Variants in TTC27 observed in about 807,000 individuals in gnomAD.
TTC27 encodes the protein tetratricopeptide repeat protein 27.
A neutral mutation model predicts 115.9 loss-of-function variants in TTC27; 79 were observed. The observed-to-expected ratio is 0.68, with a 90% confidence interval of 0.57 to 0.82. The LOEUF (loss-of-function observed/expected upper bound fraction) is 0.82. TTC27 is among the 40% of genes least tolerant of loss of function. TTC27 has a pLI of 0.00. For missense variants in TTC27, 1,054 were observed against 993.1 expected, an observed-to-expected ratio of 1.06 and a Z score of -0.82; for synonymous variants, 401 against 356.0, an observed-to-expected ratio of 1.13 and a Z score of -1.42.
At chr2:32,800,414 C>T (rs987810476) in intron 16 of TTC27, among the ~76,000 whole-genome samples, 3 of 152,086 alleles carry the variant, frequency 2.0e-5, no homozygotes, top group Admixed American at 2.0e-4. Context: ...AACTCCTGAC[C>T]CCATGATCTG....
At chr2:32,757,941 A>T (rs1286563863) in intron 12 of TTC27, among the ~76,000 whole-genome samples, 1 of 152,182 alleles carries the variant, frequency 6.6e-6, no homozygotes, top group African/African-American at 2.4e-5. Flanking sequence ...ACCTCAGGCA[A>T]TCCACCCACC....
At chr2:32,693,292 T>C (rs921471392) in intron 9 of TTC27, among the ~76,000 whole-genome samples, 1 of 152,156 alleles carries the variant, frequency 6.6e-6, no homozygotes, top group Non-Finnish European at 1.5e-5. Context: ...GCAAGACCTA[T>C]TTTAAGACAG....
Position 32,688,891 on chromosome 2 carries a change from TC to T in TTC27, c.1119+9971del, listed in dbSNP as rs200768753. 9.0e-3 allele frequency among the ~76,000 whole-genome samples: 1,376 copies of T among 152,236 alleles called. 9 individuals are homozygous for T. Among genetic ancestry groups the T allele is most frequent in the Admixed American group, 0.014 (215 of 15,294 alleles). On this transcript the variant is annotated intron_variant, in intron 9 of 19. Transcript: ENST00000317907. ...TAGCCATGAGAAATGAAAGTATATG[TC>T]CTCACAAAGAGTTGTACACAAATAC...
chr2:32,760,139 A>T (rs1669385723), intron 13 of TTC27, among the ~76,000 whole-genome samples: 1 of 152,224 alleles, frequency 6.6e-6, no homozygotes. Flanking sequence ...GCATTTTCTT[A>T]TGCTGGATTG....
intron 13 of TTC27, among the ~76,000 whole-genome samples, chr2:32,761,967 G>A (rs1669452039): frequency 6.6e-6 from 1 of 152,116 alleles, no homozygotes; most frequent in Non-Finnish European, 1.5e-5. Flanking sequence ...GTAGCACTGA[G>A]CCAAAGAATG....
intron 5 of TTC27, among the ~76,000 whole-genome samples, chr2:32,661,129 T>C (rs540813726): frequency 2.0e-5 from 3 of 152,342 alleles, no homozygotes; most frequent in South Asian, 2.1e-4. Flanking sequence ...TTGGTCTATA[T>C]ATCTGTTTTG....
intron 13 of TTC27, among the ~76,000 whole-genome samples, chr2:32,775,145 G>C (rs933353671): frequency 7.2e-5 from 11 of 152,192 alleles, no homozygotes; most frequent in African/African-American, 2.2e-4. Context: ...AATCTTCTTA[G>C]ATGGATTTAA....
intron 12 of TTC27, among the ~76,000 whole-genome samples, chr2:32,754,874 G>C (rs1165227445): frequency 6.7e-6 from 1 of 150,186 alleles, no homozygotes; most frequent in Non-Finnish European, 1.5e-5. Flanking sequence ...AGGCGGGGGG[G>C]CTGACCCCCC....
intron 10 of TTC27, 32 bp from the exon 11 acceptor site, chr2:32,733,796 A>T: frequency 7.2e-7 from 1 of 1,390,440 alleles, no homozygotes; most frequent in Non-Finnish European, 1.0e-6. Flanking sequence ...AGTTATACAT[A>T]TAGATTCTGA....
chr2:32,801,781 C>G (rs1312414141), intron 16 of TTC27, among the ~76,000 whole-genome samples: 2 of 152,142 alleles, frequency 1.3e-5, no homozygotes, highest in Non-Finnish European at 2.9e-5. Context: ...CTCAACCACT[C>G]CTATGAAAGT....
At chr2:32,733,718 ACTTAAGTT>A in intron 10 of TTC27, 102 bp from the exon 11 acceptor site, 1 of 581,074 alleles carries the variant, frequency 1.7e-6, no homozygotes, top group East Asian at 3.3e-5. Flanking sequence ...TATCAAAATG[ACTTAAGTT>A]CTTTGTTGTT....
rs529078050 is a variant in TTC27, at chr2:32,791,478, G to A, written c.1998+4329G>A. On this transcript the variant is annotated intron_variant, in intron 16 of 19. Transcript: ENST00000317907. ...GGGCATACAGTATGTGAGGTGGATA[G>A]TAAATACTCCTCATTTTATAGTTGA... Among the ~76,000 whole-genome samples the A allele has an allele frequency of 2.0e-5, 3 of 152,306 alleles. No homozygotes were observed. In the East Asian group the frequency reaches 5.8e-4, roughly 29 times the overall value.
intron 5 of TTC27, among the ~76,000 whole-genome samples, chr2:32,653,988 C>T (rs1232091299): frequency 6.6e-6 from 1 of 152,196 alleles, no homozygotes; most frequent in African/African-American, 2.4e-5. Flanking sequence ...CTAGCCAGTT[C>T]TTAAATCTTA....
chr2:32,740,255 A>G (rs1282654197), intron 12 of TTC27, among the ~76,000 whole-genome samples: 2 of 151,930 alleles, frequency 1.3e-5, no homozygotes, highest in African/African-American at 2.4e-5. Flanking sequence ...AAGGGTTGGG[A>G]CCTCTCTTGT....
chr2:32,726,091 C>A (rs573432065), intron 10 of TTC27, among the ~76,000 whole-genome samples: 27 of 152,100 alleles, frequency 1.8e-4, no homozygotes, highest in African/African-American at 6.3e-4. Flanking sequence ...CCCACAAAAC[C>A]ACTCTTTCCT....
At chr2:32,799,026 A>G (rs929933015) in intron 16 of TTC27, among the ~76,000 whole-genome samples, 1 of 152,246 alleles carries the variant, frequency 6.6e-6, no homozygotes, top group Non-Finnish European at 1.5e-5. Context: ...AAAATGTGGT[A>G]TGTACATACA....
At chr2:32,667,824 TG>T (rs1665844816) in intron 7 of TTC27, among the ~76,000 whole-genome samples, 1 of 149,992 alleles carries the variant, frequency 6.7e-6, no homozygotes, top group Non-Finnish European at 1.5e-5. Context: ...GAGGCTGAAG[TG>T]GGTGGATCAC....
Position 32,723,971 on chromosome 2 carries a change from CT to C in TTC27, c.1234-9840del, listed in dbSNP as rs36120062. On this transcript the variant is annotated intron_variant, in intron 10 of 19. Coordinates refer to ENST00000317907, the MANE Select transcript of TTC27 (RefSeq NM_017735.5). ...TGAGCCACCAGCTGGCATACATAAG[CT>C]TTTTTTTTTTTTTTTTATAGAAAGG... Among the ~76,000 whole-genome samples, 589 of 92,382 alleles carry C rather than the reference CT, an allele frequency of 6.4e-3. 15 individuals carry two copies. Among genetic ancestry groups the C allele is most frequent in the African/African-American group, 7.9e-3 (191 of 24,042 alleles). 60.6% of individuals were successfully genotyped at this position (92,382 alleles called of 152,430 possible).
Position 32,640,387 on chromosome 2 carries a change from A to G in TTC27, c.514A>G (p.Arg172Gly), listed in dbSNP as rs1664596941. The G allele has an allele frequency of 6.2e-7, 1 of 1,613,704 alleles. No individual in the cohort carries two copies. The highest frequency in any genetic ancestry group is 8.5e-7 in the Non-Finnish European group (1 of 1,179,988). ...AGCACGCATTATCCTAGTGAATGTAAGACATAAACTGACAGCTATTCAGGT... is the reference window on the plus strand; with the variant it reads ...AGCACGCATTATCCTAGTGAATGTAGGACATAAACTGACAGCTATTCAGGT... The part of the protein sequence containing the change: ...LLARIILVNV[R>G]HKLTAIQSLP... Residue 172 changes from arginine (R) to glycine (G), a missense_variant, in exon 4 of 20, where the codon AGA becomes GGA. Arg to Gly is a moderately radical substitution (Grantham distance 125, BLOSUM62 -2). Transcript: ENST00000317907.
Sources: gnomAD v4.1 joint callset for allele counts (sites outside exome capture counted in the v4.1 genomes callset) on GRCh38, gnomAD v4.1.1 for gene constraint, MANE v1.5 for transcripts, NCBI Gene and HGNC (gene_info 2026-07-23, HGNC 2026-07-21) for gene names.